Variants in PMPCA observed in about 807,000 individuals in gnomAD.
PMPCA encodes peptidase, mitochondrial processing subunit alpha.
A neutral mutation model predicts 59.3 loss-of-function variants in PMPCA; 47 were observed. The observed-to-expected ratio is 0.79, with a 90% CI of 0.63 to 1.01. The LOEUF is 1.01. Ranked by LOEUF, PMPCA falls within the 50% of genes least tolerant of loss-of-function variation. The pLI is 0.00. For missense variants in PMPCA, 726 were observed against 704.5 expected, an observed-to-expected ratio of 1.03 and a Z score of -0.34; for synonymous variants, 338 against 290.3, an observed-to-expected ratio of 1.16 and a Z score of -1.67.
At position 136,417,008 on chromosome 9, in the gene PMPCA, G is replaced by A. The variant is rs764268524; in HGVS notation, c.691G>A (p.Ala231Thr). 1 of 1,613,152 alleles carries A rather than the reference G, an allele frequency of 6.2e-7. No individual in the cohort carries two copies. Among genetic ancestry groups the A allele is most frequent in the Admixed American group, 1.7e-5 (1 of 60,014 alleles). The change falls in exon 7 of 13, where the codon GCA becomes ACA. Residue 231 changes from alanine (A) to threonine (T), a missense_variant. Physicochemically the swap from Ala to Thr is moderately conservative, Grantham distance 58 (BLOSUM62 0). Transcript: ENST00000371717. ...LHRFCPTENV[A>T]KINREVLHSY... ...CCGTTTCTGCCCCACAGAAAACGTAGCAAAGATCAACCGAGAGGTGCTGCA... is the reference window on the plus strand; with the variant it reads ...CCGTTTCTGCCCCACAGAAAACGTAACAAAGATCAACCGAGAGGTGCTGCA...
chr9:136,420,015 C>T (rs1367608701), intron 11 of PMPCA: 1 of 149,498 alleles, frequency 6.7e-6, no homozygotes, highest in Non-Finnish European at 1.5e-5. Context: ...TAGACAGAGT[C>T]TTGCTCAGGC....
chr9:136,422,716 G>A, intron 12 of PMPCA: 1 of 1,061,736 alleles, frequency 9.4e-7, no homozygotes, highest in South Asian at 3.3e-5. Context: ...GTTCCTGGGT[G>A]CAGCCCTTTG....
intron 1 of PMPCA, among the ~76,000 whole-genome samples, chr9:136,411,780 C>T (rs527387100): frequency 6.6e-6 from 1 of 152,354 alleles, no homozygotes; most frequent in African/African-American, 2.4e-5. Flanking sequence ...GAGATAGCAA[C>T]TAAGACCCAA....
At chr9:136,416,803 G>A (rs1835289251) in intron 6 of PMPCA, 148 bp from the exon 7 acceptor site, 4 of 646,692 alleles carry the variant, frequency 6.2e-6, no homozygotes, top group South Asian at 2.0e-5. Context: ...AAATACGCAC[G>A]CAGCTGCTAT....
In PMPCA at chr9:136,421,941, C is replaced by T. The variant is rs150094306; in HGVS notation, c.1373C>T (p.Ser458Phe). The change falls in exon 12 of 13, where the codon TCC becomes TTC. Residue 458 changes from serine (S) to phenylalanine (F), a missense_variant. Transcript: ENST00000371717. ...GGGAGGCAGGTGCTGGCCACTCGCT[C>T]CAGAAAGCTGCCGCACGAGCTGTGC... is the stretch of plus-strand genomic sequence containing the variant. Reference protein sequence around the residue: ...DVGRQVLATRSRKLPHELCTL... With the variant: ...DVGRQVLATRFRKLPHELCTL... The T allele has an allele frequency of 1.5e-4, 239 of 1,612,864 alleles. No homozygotes were observed. The highest frequency in any genetic ancestry group is 1.9e-4 in the Non-Finnish European group (222 of 1,179,828).
chr9:136,422,712 G>C, intron 12 of PMPCA: 1 of 1,054,152 alleles, frequency 9.5e-7, no homozygotes, highest in African/African-American at 1.6e-5. Flanking sequence ...TGGGGTTCCT[G>C]GGTGCAGCCC....
Position 136,423,166 on chromosome 9 carries a change from C to A in PMPCA, c.1480C>A (p.Leu494Met). 6.2e-7 allele frequency: 1 copy of A among 1,613,802 alleles called. No homozygotes were observed. Among genetic ancestry groups the A allele is most frequent in the South Asian group, 1.1e-5 (1 of 91,084 alleles). Reference sequence around the variant, plus strand: ...CCGAGGGAAGCCGGCAGTGGCCGCCCTGGGTGACCTGACTGACCTGCCCAC... The same window carrying A: ...CCGAGGGAAGCCGGCAGTGGCCGCCATGGGTGACCTGACTGACCTGCCCAC... The part of the protein sequence containing the change: ...MLRGKPAVAA[L>M]GDLTDLPTYE... Residue 494 changes from leucine to methionine, a missense_variant, in exon 13 of 13, where the codon CTG (leucine) becomes ATG (methionine). By Grantham distance (15) the Leu-to-Met change is conservative. Coordinates refer to ENST00000371717, the MANE Select transcript of PMPCA (RefSeq NM_015160.3).
Position 136,417,058 on chromosome 9 carries a change from T to C in PMPCA, c.741T>C (p.Thr247=). ...VLHSYLRNYY[T]PDRMVLAGVG... is the part of the protein sequence containing the mutation. ...ATTCCTACCTGAGGAACTACTACAC[T>C]CCCGACCGCATGGTGCTGGCCGGCG... Residue 247 remains threonine (T), a synonymous_variant, in exon 7 of 13, where the codon ACT becomes ACC. Coordinates refer to ENST00000371717, the MANE Select transcript of PMPCA (RefSeq NM_015160.3). 6.2e-7 allele frequency: 1 copy of C among 1,613,834 alleles called. No homozygotes were observed. The highest frequency in any genetic ancestry group is 2.2e-5 in the East Asian group (1 of 44,876).
At chr9:136,413,090 G>A (rs1835180672) in intron 4 of PMPCA, 198 bp downstream of exon 4, 6 of 530,088 alleles carry the variant, frequency 1.1e-5, no homozygotes, top group East Asian at 3.2e-5. Flanking sequence ...GTTGACCCCC[G>A]TCAGTTCCTC....
At position 136,423,277 on chromosome 9, in the gene PMPCA, G is replaced by A; in HGVS notation, c.*13G>A. Reference sequence around the variant, plus strand: ...GCTCTTCCGGTAGAACCGCTCCCCGGCCTGACAGACCCAGGGAGCTGCAGC... The same window carrying A: ...GCTCTTCCGGTAGAACCGCTCCCCGACCTGACAGACCCAGGGAGCTGCAGC... On this transcript the variant is annotated 3_prime_UTR_variant, in exon 13 of 13. Coordinates refer to ENST00000371717, the MANE Select transcript of PMPCA (RefSeq NM_015160.3). 1 of 1,605,786 alleles carries A rather than the reference G, an allele frequency of 6.2e-7. No individual in the cohort carries two copies.
At chr9:136,423,069 T>A in intron 12 of PMPCA, 26 bp from the exon 13 acceptor site, 1 of 1,600,006 alleles carries the variant, frequency 6.2e-7, no homozygotes, top group Non-Finnish European at 8.5e-7. Flanking sequence ...CGCGCTCGTG[T>A]GACACGCGTT....
rs1286910095 is a variant in PMPCA at position 136,423,450 on chromosome 9, T to C, written c.*186T>C. ...AATGTGCCGATCAGTGGAGTCAGTATCGAGCCTGACCACCGCAAGCCAGGA... is the reference window on the plus strand; with the variant it reads ...AATGTGCCGATCAGTGGAGTCAGTACCGAGCCTGACCACCGCAAGCCAGGA... On this transcript the variant is annotated 3_prime_UTR_variant, in exon 13 of 13. Coordinates refer to ENST00000371717, the MANE Select transcript of PMPCA (RefSeq NM_015160.3). The C allele has an allele frequency of 9.5e-6, 6 of 629,236 alleles. No individual in the cohort carries two copies. The highest frequency in any genetic ancestry group is 1.4e-5 in the Non-Finnish European group (5 of 367,618). The allele number at this position is 629,236 out of a possible 1,614,324, so 39.0% of individuals were successfully genotyped here.
Position 136,418,102 on chromosome 9 carries a change from C to T in PMPCA, c.983C>T (p.Ser328Phe), listed in dbSNP as rs759075216. ...THIMVGLESC[S>F]FLEEDFIPFA... The stretch of plus-strand genomic sequence containing the variant: ...ATCATGGTTGGACTGGAGAGCTGCT[C>T]CTTCCTGGTGAGTCCTGGTGCTGGG... Residue 328 changes from serine (S) to phenylalanine (F), a missense_variant, in exon 8 of 13, where the codon TCC (serine) becomes TTC (phenylalanine). Physicochemically the swap from Ser to Phe is radical, Grantham distance 155. Coordinates refer to ENST00000371717, the MANE Select transcript of PMPCA (RefSeq NM_015160.3). The T allele has an allele frequency of 1.1e-5, 17 of 1,610,710 alleles. No individual in the cohort carries two copies. Among genetic ancestry groups the T allele is most frequent in the Non-Finnish European group, 1.3e-5 (15 of 1,176,974 alleles).
At chr9:136,413,896 C>G (rs1474667413) in intron 4 of PMPCA, among the ~76,000 whole-genome samples, 1 of 152,250 alleles carries the variant, frequency 6.6e-6, no homozygotes, top group Middle Eastern at 3.2e-3. Flanking sequence ...TCCCAAGCTC[C>G]CTCTTCTTCG....
chr9:136,421,473 G>A (rs1423928167), intron 11 of PMPCA, among the ~76,000 whole-genome samples: 1 of 149,630 alleles, frequency 6.7e-6, no homozygotes, highest in Admixed American at 6.7e-5. Context: ...GCAGTGGTGC[G>A]ATCTGGGCTC....
Position 136,418,106 on chromosome 9 carries a change from C to T in PMPCA, c.987C>T (p.Phe329=). ...TGGTTGGACTGGAGAGCTGCTCCTTCCTGGTGAGTCCTGGTGCTGGGTCTG... is the reference window on the plus strand; with the variant it reads ...TGGTTGGACTGGAGAGCTGCTCCTTTCTGGTGAGTCCTGGTGCTGGGTCTG... ...HIMVGLESCS[F]LEEDFIPFAV... The change falls in exon 8 of 13, where the codon TTC becomes TTT. Residue 329 remains phenylalanine, a synonymous_variant. Coordinates refer to ENST00000371717, the MANE Select transcript of PMPCA (RefSeq NM_015160.3). 6.2e-7 allele frequency: 1 copy of T among 1,601,304 alleles called. No homozygotes were observed. Among genetic ancestry groups the T allele is most frequent in the East Asian group, 2.2e-5 (1 of 44,820 alleles).
intron 11 of PMPCA, 121 bp from the exon 12 acceptor site, chr9:136,421,711 T>C: frequency 1.1e-6 from 1 of 945,530 alleles, no homozygotes; most frequent in African/African-American, 1.6e-5. Context: ...TGCGCCCGGC[T>C]GCCCTTCCCT....
intron 12 of PMPCA, 159 bp downstream of exon 12, chr9:136,422,135 CAGGGT>C: frequency 6.5e-7 from 1 of 1,543,684 alleles, no homozygotes; most frequent in Non-Finnish European, 8.7e-7. Flanking sequence ...CGGCCAAGGG[CAGGGT>C]CGTGGGGTCG....
Position 136,412,851 on chromosome 9 carries a change from G to T in PMPCA, c.396G>T (p.Thr132=), listed in dbSNP as rs770360676. The change falls in exon 4 of 13, where the codon ACG becomes ACT. Residue 132 remains threonine (T), a synonymous_variant. Coordinates refer to ENST00000371717, the MANE Select transcript of PMPCA (RefSeq NM_015160.3). The stretch of plus-strand genomic sequence containing the variant: ...ACAGCAAAGATGAAATTCTGCTTAC[G>T]TTGGAAAAGCATGGGGGTATCTGTG... ...RFDSKDEILL[T]LEKHGGICDC... is the part of the protein sequence containing the mutation. The T allele has an allele frequency of 1.2e-6, 2 of 1,610,556 alleles. No homozygotes were observed. The highest frequency in any genetic ancestry group is 1.1e-5 in the South Asian group (1 of 90,952).
Sources: allele counts gnomAD v4.1 joint callset (sites outside exome capture counted in the v4.1 genomes callset), GRCh38; gene constraint gnomAD v4.1.1; transcripts MANE v1.5; gene names NCBI Gene and HGNC (gene_info 2026-07-23, HGNC 2026-07-21).